Variants in GLOD5 observed in about 807,000 individuals in gnomAD.
GLOD5 encodes glyoxalase domain-containing protein 5.
In GLOD5, 7 loss-of-function variants were observed where a neutral mutation model predicts 9.9. That is an observed-to-expected ratio of 0.71 (90% CI 0.40 to 1.33). GLOD5 has a LOEUF of 1.33. Ranked by LOEUF, GLOD5 falls within the 40% of genes most tolerant of loss-of-function variation. The pLI, the probability that GLOD5 is intolerant of heterozygous loss-of-function variation, is 0.01. For missense variants in GLOD5, 146 were observed against 128.4 expected, an observed-to-expected ratio of 1.14 and a Z score of -0.66; for synonymous variants, 49 against 47.3, an observed-to-expected ratio of 1.04 and a Z score of -0.14.
At chrX:48,766,996 A>AAAAAAAAAAAAAAAAAAAAAAAAAAAC (rs2062611184) in intron 2 of GLOD5, among the ~76,000 whole-genome samples, 1 of 80,385 alleles carries the variant, frequency 1.2e-5, no homozygotes, top group East Asian at 3.9e-4. Flanking sequence ...AAAAAAAAAA[A>AAAAAAAAAAAAAAAAAAAAAAAAAAAC]AAAAAAAAAC....
rs782721563 is a variant in GLOD5, at chrX:48,765,877, C to T, written c.106C>T (p.Arg36Cys). 1.4e-4 allele frequency: 164 copies of T among 1,196,096 alleles called. No homozygotes were observed. The South Asian group carries it at 2.7e-3, about 19-fold the overall frequency. Residue 36 changes from arginine (R) to cysteine (C), a missense_variant, in exon 2 of 4, where the codon CGT (arginine) becomes TGT (cysteine). By Grantham distance (180) the Arg-to-Cys change is radical (BLOSUM62 -3). Coordinates refer to ENST00000303227, the MANE Select transcript of GLOD5 (RefSeq NM_001080489.3). ...SSQTPPPCLI[R>C]RLDHIVMTVK... ...TCAGACCCCTCCCCCATGTCTTATC[C>T]GTAGACTTGACCACATCGTGATGAC...
intron 2 of GLOD5, among the ~76,000 whole-genome samples, chrX:48,769,483 T>C (rs1298673216): frequency 1.8e-5 from 2 of 111,279 alleles, no homozygotes; most frequent in African/African-American, 6.5e-5. Context: ...ATTGCACCAC[T>C]GCATTCCAGC....
At position 48,773,291 on chromosome X, in the gene GLOD5, T is replaced by C; in HGVS notation, c.358-19T>C. The C allele has an allele frequency of 8.3e-7, 1 of 1,210,417 alleles. No homozygotes were observed. The highest frequency in any genetic ancestry group is 1.7e-5 in the African/African-American group (1 of 57,613). ...CACACATTTTGACGAACGACTTTTG[T>C]CTTTTCTTCCCACTTCAGGCTTGTG... On this transcript the variant is annotated intron_variant, in intron 3 of 3. Transcript: ENST00000303227.
chrX:48,772,228 C>A (rs1189698325), intron 3 of GLOD5, among the ~76,000 whole-genome samples: 2 of 110,200 alleles, frequency 1.8e-5, no homozygotes, highest in African/African-American at 6.6e-5. Context: ...TACAGCAAGA[C>A]CCTGTCTCTA....
At position 48,761,810 on chromosome X, in the gene GLOD5, C is replaced by G. The variant is rs1557016038; in HGVS notation, c.20C>G (p.Ser7Cys). The G allele has an allele frequency of 1.7e-6, 2 of 1,166,643 alleles. No individual in the cohort carries two copies. Among genetic ancestry groups the G allele is most frequent in the Admixed American group, 2.6e-5 (1 of 38,653 alleles). Residue 7 changes from serine (S) to cysteine (C), a missense_variant, in exon 1 of 4, where the codon TCC becomes TGC. Coordinates refer to ENST00000303227, the MANE Select transcript of GLOD5 (RefSeq NM_001080489.3). ...CCTGCCATGCTGCGCCATCTGCCCTCCAGGCTGCCAGTCAAGATGTGGGGC... is the reference window on the plus strand; with the variant it reads ...CCTGCCATGCTGCGCCATCTGCCCTGCAGGCTGCCAGTCAAGATGTGGGGC... Reference protein sequence around the residue: MLRHLPSRLPVKMWGRT... With the variant: MLRHLPCRLPVKMWGRT...
At position 48,769,029 on chromosome X, in the gene GLOD5, CAAA is replaced by C. The variant is rs58245912; in HGVS notation, c.202-1885_202-1883del. Among the ~76,000 whole-genome samples the C allele has an allele frequency of 8.3e-5, 4 of 48,457 alleles. No homozygotes were observed. In the Admixed American group the frequency reaches 1.0e-3, roughly 13 times the overall value. The allele number at this position is 48,457 out of a possible 115,157, so 42.1% of individuals were successfully genotyped here. A position where few individuals can be genotyped will look rare whatever the true frequency, so the allele number is the denominator to read the frequency against. On this transcript the variant is annotated intron_variant, in intron 2 of 3. Coordinates refer to ENST00000303227, the MANE Select transcript of GLOD5 (RefSeq NM_001080489.3). ...TGGGTGACAGAGCGAGACTCTGTCT[CAAA>C]AAAAAAAAAAAAGTGAAATAAAGTC...
intron 3 of GLOD5, among the ~76,000 whole-genome samples, chrX:48,771,592 C>G (rs2062622486): frequency 8.9e-6 from 1 of 111,887 alleles, no homozygotes; most frequent in Non-Finnish European, 1.9e-5. Context: ...CTGGCCATTA[C>G]AGGCATGAGC....
chrX:48,773,588 C>A lies in GLOD5; in HGVS notation c.*153C>A. On this transcript the variant is annotated 3_prime_UTR_variant, in exon 4 of 4. Transcript: ENST00000303227. ...GGGGGACCCAAGACAGGTTTGGGAC[C>A]AAACCTACATGTCTGTATGTCATCA... 3.7e-6 allele frequency: 2 copies of A among 539,213 alleles called. No homozygotes were observed. Among genetic ancestry groups the A allele is most frequent in the Admixed American group, 3.5e-5 (1 of 28,485 alleles). 44.4% of individuals were successfully genotyped at this position (539,213 alleles called of 1,213,427 possible).
At chrX:48,772,785 A>G (rs781875286) in intron 3 of GLOD5, among the ~76,000 whole-genome samples, 9 of 110,475 alleles carry the variant, frequency 8.1e-5, no homozygotes, top group Non-Finnish European at 1.7e-4. Context: ...TTCCCATTTT[A>G]CAGATGAGGA....
intron 1 of GLOD5, among the ~76,000 whole-genome samples, chrX:48,764,190 G>A (rs1242222725): frequency 1.8e-5 from 2 of 111,617 alleles, no homozygotes; most frequent in Non-Finnish European, 3.8e-5. Flanking sequence ...TAGTCAGGGA[G>A]ACAGGCATTA....
chrX:48,772,150 T>C (rs2062623959), intron 3 of GLOD5, among the ~76,000 whole-genome samples: 1 of 109,995 alleles, frequency 9.1e-6, no homozygotes, highest in African/African-American at 3.3e-5. Context: ...AGTGGGAGGA[T>C]CACTTGAGCC....
chrX:48,763,586 G>C (rs1400295694), intron 1 of GLOD5, among the ~76,000 whole-genome samples: 2 of 111,901 alleles, frequency 1.8e-5, no homozygotes, highest in Non-Finnish European at 3.8e-5. Flanking sequence ...CCAGCTACTA[G>C]GGAGGCTGAA....
In GLOD5 at chrX:48,772,381, CA is replaced by C. The variant is rs1237459597; in HGVS notation, c.358-920del. ...CGAGACCCTGTGTCTACATAAAATA[CA>C]AAAAAAAATTAGCCAGACGTGGCGG... On this transcript the variant is annotated intron_variant, in intron 3 of 3. Coordinates refer to ENST00000303227, the MANE Select transcript of GLOD5 (RefSeq NM_001080489.3). Among the ~76,000 whole-genome samples, 14 of 108,822 alleles carry C rather than the reference CA, an allele frequency of 1.3e-4. No homozygotes were observed. The East Asian group carries it at 3.8e-3, about 29-fold the overall frequency. The allele number at this position is 108,822 out of a possible 115,157, so 94.5% of individuals were successfully genotyped here. A position where few individuals can be genotyped will look rare whatever the true frequency, so the allele number is the denominator to read the frequency against.
At chrX:48,766,128 C>T (rs905335869) in intron 2 of GLOD5, 156 bp downstream of exon 2, 3 of 487,577 alleles carry the variant, frequency 6.2e-6, no homozygotes, top group Non-Finnish European at 1.0e-5. Context: ...TTTGGACTTC[C>T]AGAGAGAGAA....
chrX:48,763,106 GAAA>G, intron 1 of GLOD5, among the ~76,000 whole-genome samples: 1 of 111,792 alleles, frequency 8.9e-6, no homozygotes, highest in Non-Finnish European at 1.9e-5. Context: ...CAGAAAAGTA[GAAA>G]AGTTGAAAAT....
intron 2 of GLOD5, among the ~76,000 whole-genome samples, chrX:48,766,997 A>AAAAAAAAAAAAAAAAAAAAAAAAAAAAAC (rs2062611213): frequency 1.2e-5 from 1 of 80,752 alleles, no homozygotes; most frequent in African/African-American, 4.4e-5. Flanking sequence ...AAAAAAAAAA[A>AAAAAAAAAAAAAAAAAAAAAAAAAAAAAC]AAAAAAAACC....
At position 48,771,005 on chromosome X, in the gene GLOD5, G is replaced by A. The variant is rs781844927; in HGVS notation, c.280G>A (p.Ala94Thr). ...GGGAAAGGAATTTGAACCCAAAGCC[G>A]CTCACCCAGTTCCTGGCTCCCTGGA... ...EVGKEFEPKA[A>T]HPVPGSLDIC... The change falls in exon 3 of 4, where the codon GCT becomes ACT. Residue 94 changes from alanine (A) to threonine (T), a missense_variant. Coordinates refer to ENST00000303227, the MANE Select transcript of GLOD5 (RefSeq NM_001080489.3). 30 of 1,201,778 alleles carry A rather than the reference G, an allele frequency of 2.5e-5. No individual in the cohort carries two copies. The highest frequency in any genetic ancestry group is 3.1e-5 in the Non-Finnish European group (28 of 889,140).
At chrX:48,762,082 C>T (rs781872852) in intron 1 of GLOD5, among the ~76,000 whole-genome samples, 49 of 111,307 alleles carry the variant, frequency 4.4e-4, no homozygotes, top group Non-Finnish European at 7.9e-4. Flanking sequence ...GCTGGCTCCT[C>T]CCCCAGTTTA....
At chrX:48,762,769 T>G (rs2062599682) in intron 1 of GLOD5, among the ~76,000 whole-genome samples, 1 of 111,404 alleles carries the variant, frequency 9.0e-6, no homozygotes, top group Non-Finnish European at 1.9e-5. Context: ...GATCATCATT[T>G]TATAAAGCAG....
Sources: allele counts gnomAD v4.1 joint callset (sites outside exome capture counted in the v4.1 genomes callset), GRCh38; gene constraint gnomAD v4.1.1; transcripts MANE v1.5; gene names NCBI Gene and HGNC (gene_info 2026-07-23, HGNC 2026-07-21).